NDUFA13: variants seen among roughly 807,000 people sequenced by gnomAD.
NDUFA13 encodes the protein NADH:ubiquinone oxidoreductase subunit A13, also known as NADH dehydrogenase [ubiquinone] 1 alpha subcomplex subunit 13.
A neutral mutation model predicts 17.0 loss-of-function variants in NDUFA13; 16 were observed. That is an observed-to-expected ratio of 0.94 (90% CI 0.64 to 1.43). The LOEUF is 1.43. Ranked by LOEUF, NDUFA13 falls within the 40% of genes most tolerant of loss-of-function variation. The pLI, the probability that NDUFA13 is intolerant of heterozygous loss-of-function variation, is 0.00. For synonymous variants in NDUFA13, 87 were observed against 78.4 expected, an observed-to-expected ratio of 1.11 and a Z score of -0.58; for missense variants, 228 against 206.7, an observed-to-expected ratio of 1.10 and a Z score of -0.63.
chr19:19,528,122 C>G lies in NDUFA13; in HGVS notation c.431C>G (p.Thr144Arg). Residue 144 changes from threonine (T) to arginine (R), a missense_variant, in exon 5 of 5, where the codon ACG becomes AGG. Physicochemically the swap from Thr to Arg is moderately conservative, Grantham distance 71. Transcript: ENST00000507754. The stretch of plus-strand genomic sequence containing the variant: ...GCCAGCCACGGCTTCATGTGGTACA[C>G]GTAGGCCCTGTGCCCTCCGGCCACC... ...LHASHGFMWYT is the reference protein window; with the variant it reads ...LHASHGFMWYR 6.2e-7 allele frequency: 1 copy of G among 1,611,624 alleles called. No homozygotes were observed. The highest frequency in any genetic ancestry group is 1.3e-5 in the African/African-American group (1 of 74,970).
chr19:19,527,157 T>TGCCTGCCTCCCC, intron 2 of NDUFA13, 124 bp from the exon 3 acceptor site: 1 of 311,512 alleles, frequency 3.2e-6, no homozygotes, highest in South Asian at 3.3e-5. Context: ...CCCTGCCCCC[T>TGCCTGCCTCCCC]GCCTGCCTCC....
intron 1 of NDUFA13, among the ~76,000 whole-genome samples, chr19:19,518,728 G>GTTTTTTT (rs2061062059): frequency 1.2e-5 from 1 of 83,376 alleles, no homozygotes; most frequent in Non-Finnish European, 2.3e-5. Context: ...CATGCCCTGC[G>GTTTTTTT]ATTTTTTTTT....
chr19:19,522,581 C>T (rs988025899), intron 1 of NDUFA13, among the ~76,000 whole-genome samples: 3 of 149,482 alleles, frequency 2.0e-5, no homozygotes, highest in Non-Finnish European at 4.4e-5. Context: ...CGGGTTCACG[C>T]CATTCTCCTG....
At position 19,519,157 on chromosome 19, in the gene NDUFA13, C is replaced by CTGGTA. The variant is rs143430161; in HGVS notation, c.94+2827_94+2831dup. ...CCCCCTGCCTCAGCCGCCCAAAGTG[C>CTGGTA]TGGTATTACAGGCATGAGCCACCAC... On this transcript the variant is annotated intron_variant, in intron 1 of 4. Transcript: ENST00000507754. Among the ~76,000 whole-genome samples, 114 of 151,656 alleles carry CTGGTA rather than the reference C, an allele frequency of 7.5e-4. 2 individuals carry two copies. The East Asian group carries it at 0.019, about 25-fold the overall frequency.
intron 1 of NDUFA13, among the ~76,000 whole-genome samples, chr19:19,522,906 T>C (rs777381864): frequency 6.6e-6 from 1 of 152,260 alleles, no homozygotes; most frequent in African/African-American, 2.4e-5. Context: ...TTGAATTATC[T>C]TGGCACCTTT....
intron 2 of NDUFA13, among the ~76,000 whole-genome samples, chr19:19,526,995 G>A (rs1476124175): frequency 2.0e-5 from 3 of 152,242 alleles, no homozygotes; most frequent in African/African-American, 4.8e-5. Flanking sequence ...ATCAGGCAGA[G>A]TTATTTTTAG....
At position 19,516,277 on chromosome 19, in the gene NDUFA13, G is replaced by T. The variant is rs145228508; in HGVS notation, c.39G>T (p.Pro13=). The T allele has an allele frequency of 2.4e-5, 38 of 1,613,764 alleles. No individual in the cohort carries two copies. Among genetic ancestry groups the T allele is most frequent in the Non-Finnish European group, 3.1e-5 (36 of 1,180,038 alleles). Residue 13 remains proline (P), a synonymous_variant, in exon 1 of 5, where the codon CCG becomes CCT. Coordinates refer to ENST00000507754, the MANE Select transcript of NDUFA13 (RefSeq NM_015965.7). ...ASKVKQDMPP[P]GGYGPIDYKR... ...AGGTGAAGCAGGACATGCCTCCGCC[G>T]GGGGGCTATGGGCCCATCGACTACA...
intron 2 of NDUFA13, among the ~76,000 whole-genome samples, chr19:19,527,017 T>A (rs959334168): frequency 6.6e-6 from 1 of 152,134 alleles, no homozygotes; most frequent in Non-Finnish European, 1.5e-5. Flanking sequence ...ATAAAAAAAG[T>A]TTTTAATTGA....
rs764525340 is a variant in NDUFA13, at chr19:19,528,071, TGC to T, written c.383_384del (p.Arg128HisfsTer?). ...CCCTTGATCGGGGAGCTGTACGGGC[TGC>T]GCACCACAGAGGAGGCTCTCCATGC... On this transcript the variant is annotated frameshift_variant, in exon 5 of 5. Coordinates refer to ENST00000507754, the MANE Select transcript of NDUFA13 (RefSeq NM_015965.7). LOFTEE classifies it low-confidence loss of function (END_TRUNC). 1.1e-5 allele frequency: 18 copies of T among 1,612,116 alleles called. No homozygotes were observed. The highest frequency in any genetic ancestry group is 1.0e-4 in the Admixed American group (6 of 59,974).
chr19:19,527,370 A>G lies in NDUFA13; in HGVS notation c.245+18A>G, dbSNP rs1359616791. 6.2e-7 allele frequency: 1 copy of G among 1,613,604 alleles called. No individual in the cohort carries two copies. The highest frequency in any genetic ancestry group is 2.2e-5 in the East Asian group (1 of 44,874). On this transcript the variant is annotated intron_variant, in intron 3 of 4. Transcript: ENST00000507754. ...GACCGGAGGTAGCACCGCAGGGGCC[A>G]AGGTTGGGAGGTCACTGGCCGGAAG... is the stretch of plus-strand genomic sequence containing the variant.
chr19:19,519,741 AAAAAGAGC>A (rs1461916636), intron 1 of NDUFA13, among the ~76,000 whole-genome samples: 42 of 147,870 alleles, frequency 2.8e-4, no homozygotes, highest in African/African-American at 1.0e-3. Flanking sequence ...TGCTCTGCAG[AAAAAGAGC>A]AAACACACAG....
chr19:19,519,208 G>A (rs562226544), intron 1 of NDUFA13, among the ~76,000 whole-genome samples: 28 of 152,062 alleles, frequency 1.8e-4, no homozygotes, highest in Non-Finnish European at 2.9e-4. Flanking sequence ...ATTCTTCTCC[G>A]GTGTAACCTG....
At chr19:19,518,334 A>G (rs1211133901) in intron 1 of NDUFA13, among the ~76,000 whole-genome samples, 1 of 151,580 alleles carries the variant, frequency 6.6e-6, no homozygotes, top group Admixed American at 6.6e-5. Context: ...TCCTGGGTTC[A>G]AGCAATTCTC....
chr19:19,528,124 T>TA lies in NDUFA13; in HGVS notation c.434dup (p.Ter145=). The TA allele has an allele frequency of 6.2e-7, 1 of 1,611,576 alleles. No individual in the cohort carries two copies. Among genetic ancestry groups the TA allele is most frequent in the Non-Finnish European group, 8.5e-7 (1 of 1,179,956 alleles). Residue 145 remains the stop codon, a frameshift_variant and stop_retained_variant, in exon 5 of 5, where the codon TAG becomes TAAG. Transcript: ENST00000507754. LOFTEE classifies it high-confidence loss of function. ...HASHGFMWYT[*] ...CAGCCACGGCTTCATGTGGTACACGTAGGCCCTGTGCCCTCCGGCCACCTG... is the reference window on the plus strand; with the variant it reads ...CAGCCACGGCTTCATGTGGTACACGTAAGGCCCTGTGCCCTCCGGCCACCTG...
At chr19:19,521,837 C>T (rs1048266952) in intron 1 of NDUFA13, among the ~76,000 whole-genome samples, 17 of 150,976 alleles carry the variant, frequency 1.1e-4, no homozygotes, top group South Asian at 2.1e-4. Context: ...CTCCTGACCT[C>T]GTGATCCGCC....
At chr19:19,519,342 C>T (rs2061065680) in intron 1 of NDUFA13, among the ~76,000 whole-genome samples, 1 of 152,174 alleles carries the variant, frequency 6.6e-6, no homozygotes, top group African/African-American at 2.4e-5. Context: ...CTCCCTGCTT[C>T]CAGCATCTCA....
chr19:19,527,584 C>T (rs1303452083), intron 3 of NDUFA13, 117 bp from the exon 4 acceptor site: 2 of 992,280 alleles, frequency 2.0e-6, no homozygotes, highest in Admixed American at 4.1e-5. Flanking sequence ...TAGGAGTTGG[C>T]TGGGGGAAAA....
chr19:19,516,294 T>G lies in NDUFA13; in HGVS notation c.56T>G (p.Ile19Ser). ...CCTCCGCCGGGGGGCTATGGGCCCA[T>G]CGACTACAAACGGAACTTGCCGCGT... is the stretch of plus-strand genomic sequence containing the variant. ...DMPPPGGYGP[I>S]DYKRNLPRRG... The change falls in exon 1 of 5, where the codon ATC (isoleucine) becomes AGC (serine). Residue 19 changes from isoleucine to serine, a missense_variant. By Grantham distance (142) the Ile-to-Ser change is moderately radical. Coordinates refer to ENST00000507754, the MANE Select transcript of NDUFA13 (RefSeq NM_015965.7). The G allele has an allele frequency of 6.2e-7, 1 of 1,613,718 alleles. No individual in the cohort carries two copies. The highest frequency in any genetic ancestry group is 8.5e-7 in the Non-Finnish European group (1 of 1,180,010).
intron 1 of NDUFA13, among the ~76,000 whole-genome samples, chr19:19,521,647 G>A (rs1048171959): frequency 2.5e-4 from 4 of 16,040 alleles, no homozygotes; most frequent in African/African-American, 4.3e-4. Context: ...CTGTCGCCCG[G>A]GCTGGAGTGT....
Sources: gnomAD v4.1 joint callset for allele counts (sites outside exome capture counted in the v4.1 genomes callset) on GRCh38, gnomAD v4.1.1 for gene constraint, MANE v1.5 for transcripts, NCBI Gene and HGNC (gene_info 2026-07-23, HGNC 2026-07-21) for gene names.